CAMSAP2: variants seen among roughly 807,000 people sequenced by gnomAD.
The protein encoded by CAMSAP2 is calmodulin-regulated spectrin-associated protein 2.
A neutral mutation model predicts 146.1 loss-of-function variants in CAMSAP2; 26 were observed. The observed-to-expected ratio is 0.18, with a 90% CI of 0.13 to 0.25. The LOEUF is 0.25. Among genes scored for constraint, CAMSAP2 ranks in the 10% least tolerant of loss-of-function variants. CAMSAP2 has a pLI of 1.00. For missense variants in CAMSAP2, 1,381 were observed against 1,759.3 expected, an observed-to-expected ratio of 0.78 and a Z score of 3.85; for synonymous variants, 499 against 596.6, an observed-to-expected ratio of 0.84 and a Z score of 2.38.
chr1:200,783,171 C>T (rs1011833979), intron 2 of CAMSAP2, among the ~76,000 whole-genome samples: 7 of 152,276 alleles, frequency 4.6e-5, no homozygotes, highest in East Asian at 1.9e-4. Context: ...AATGTCTGAG[C>T]GTTCCAGTTG....
rs1475859395 is a variant in CAMSAP2, at chr1:200,858,046, C to T, written c.4424C>T (p.Pro1475Leu). Residue 1475 changes from proline to leucine, a missense_variant, in exon 17 of 17, where the codon CCC becomes CTC. By Grantham distance (98) the Pro-to-Leu change is moderately conservative (BLOSUM62 -3). Around this residue, in one of 4 missense-constraint regions of CAMSAP2, gnomAD observed 90 missense variants for 174.4 expected, o/e 0.52. Transcript: ENST00000358823. ...KRPVTPKKLLPTKA is the reference protein window; with the variant it reads ...KRPVTPKKLLLTKA ...CCAGTAACACCCAAAAAACTTTTAC[C>T]CACTAAGGCATAGAAGTTGGGAAAT... 1.3e-6 allele frequency: 2 copies of T among 1,586,848 alleles called. No homozygotes were observed. The highest frequency in any genetic ancestry group is 1.4e-5 in the African/African-American group (1 of 73,540).
chr1:200,806,927 G>C (rs1287038234), intron 2 of CAMSAP2, among the ~76,000 whole-genome samples: 2 of 152,132 alleles, frequency 1.3e-5, no homozygotes, highest in Non-Finnish European at 2.9e-5. Context: ...CCTTGTTCAA[G>C]TGTGAGAAAT....
intron 3 of CAMSAP2, among the ~76,000 whole-genome samples, chr1:200,808,220 C>G (rs1057495917): frequency 6.6e-6 from 1 of 152,030 alleles, no homozygotes; most frequent in East Asian, 1.9e-4. Flanking sequence ...TTTGCTTGAC[C>G]AAGTTGCACA....
chr1:200,831,859 G>T (rs1275579415), intron 4 of CAMSAP2, among the ~76,000 whole-genome samples: 2 of 151,918 alleles, frequency 1.3e-5, no homozygotes, highest in African/African-American at 4.8e-5. Context: ...TAAAGTAGAT[G>T]AATTTTATTA....
In CAMSAP2 at chr1:200,830,113, A is replaced by G. The variant is rs545406295; in HGVS notation, c.646-2087A>G. Among the ~76,000 whole-genome samples the G allele has an allele frequency of 7.2e-5, 11 of 152,358 alleles. No individual in the cohort carries two copies. The South Asian group carries it at 2.1e-3, about 29-fold the overall frequency. ...GTTTATAAAGCAAATAGCATGTTCA[A>G]GTACAAAAGACTCTTTCATGAACTG... is the stretch of plus-strand genomic sequence containing the variant. On this transcript the variant is annotated intron_variant, in intron 4 of 16. Transcript: ENST00000358823.
intron 2 of CAMSAP2, among the ~76,000 whole-genome samples, chr1:200,787,820 GCAATCAC>G (rs1665636556): frequency 6.6e-6 from 1 of 152,128 alleles, no homozygotes; most frequent in African/African-American, 2.4e-5. Context: ...CCCTCCTTCA[GCAATCAC>G]CACTCTGATC....
chr1:200,808,537 A>T (rs1666241809), intron 3 of CAMSAP2, among the ~76,000 whole-genome samples: 1 of 152,240 alleles, frequency 6.6e-6, no homozygotes, highest in Non-Finnish European at 1.5e-5. Flanking sequence ...CCATAATATC[A>T]GTATCATTGT....
intron 1 of CAMSAP2, among the ~76,000 whole-genome samples, chr1:200,755,219 T>A (rs1325163369): frequency 6.6e-6 from 1 of 152,242 alleles, no homozygotes; most frequent in Admixed American, 6.5e-5. Context: ...GGCTTATTGC[T>A]AACAGTGTTA....
intron 2 of CAMSAP2, among the ~76,000 whole-genome samples, chr1:200,793,885 C>A (rs1337132531): frequency 1.3e-5 from 2 of 152,070 alleles, no homozygotes; most frequent in African/African-American, 4.8e-5. Context: ...GAAGTGCATT[C>A]TTTATAAGGT....
chr1:200,822,224 T>TTAA (rs1666791512), intron 4 of CAMSAP2, among the ~76,000 whole-genome samples: 3 of 151,896 alleles, frequency 2.0e-5, no homozygotes, highest in Non-Finnish European at 4.4e-5. Context: ...ATCATGCCCC[T>TTAA]TTACCCCTTA....
chr1:200,807,436 A>G lies in CAMSAP2; in HGVS notation c.460A>G (p.Ile154Val). 3.7e-6 allele frequency: 6 copies of G among 1,612,754 alleles called. No homozygotes were observed. Among genetic ancestry groups the G allele is most frequent in the Non-Finnish European group, 5.1e-6 (6 of 1,179,206 alleles). Reference sequence around the variant, plus strand: ...GGCTTATACTGTAGAAATGGTCAGTATAGAAAAAGTAATTGCGTGTGCTCA... The same window carrying G: ...GGCTTATACTGTAGAAATGGTCAGTGTAGAAAAAGTAATTGCGTGTGCTCA... ...MMAYTVEMVSIEKVIACAQQY... is the reference protein window; with the variant it reads ...MMAYTVEMVSVEKVIACAQQY... Residue 154 changes from isoleucine (I) to valine (V), a missense_variant, in exon 3 of 17, where the codon ATA becomes GTA. Physicochemically the swap from Ile to Val is conservative, Grantham distance 29 (BLOSUM62 3). Transcript: ENST00000358823.
At position 200,828,511 on chromosome 1, in the gene CAMSAP2, A is replaced by C. The variant is rs531177729; in HGVS notation, c.646-3689A>C. 3.8e-5 allele frequency: 57 copies of C among 1,483,458 alleles called. No individual in the cohort carries two copies. In the African/African-American group the frequency reaches 7.1e-4, roughly 19 times the overall value. 91.9% of individuals were successfully genotyped at this position (1,483,458 alleles called of 1,614,324 possible). Reference sequence around the variant, plus strand: ...TACTATAATTTGTTAATTGAAGATAATTCTGATGAATTTTCCCTTTACCTT... The same window carrying C: ...TACTATAATTTGTTAATTGAAGATACTTCTGATGAATTTTCCCTTTACCTT... On this transcript the variant is annotated intron_variant, in intron 4 of 16. Transcript: ENST00000358823.
intron 1 of CAMSAP2, among the ~76,000 whole-genome samples, chr1:200,757,425 C>T (rs917092440): frequency 6.6e-6 from 1 of 152,156 alleles, no homozygotes; most frequent in African/African-American, 2.4e-5. Context: ...CTGCTTAAGT[C>T]ATGGTATACA....
Position 200,844,877 on chromosome 1 carries a change from C to T in CAMSAP2, c.1109+8C>T. 1 of 1,466,442 alleles carries T rather than the reference C, an allele frequency of 6.8e-7. No homozygotes were observed. Among genetic ancestry groups the T allele is most frequent in the Non-Finnish European group, 9.4e-7 (1 of 1,067,986 alleles). 90.8% of individuals were successfully genotyped at this position (1,466,442 alleles called of 1,614,324 possible). ...TTCTGACTTCCCTTCAAGGTAAACTCCACAATGACTTTATTTTCACCATTT... is the reference window on the plus strand; with the variant it reads ...TTCTGACTTCCCTTCAAGGTAAACTTCACAATGACTTTATTTTCACCATTT... On this transcript the variant is annotated splice_region_variant and intron_variant, in intron 8 of 16. Transcript: ENST00000358823.
At chr1:200,762,443 C>G (rs1005944088) in intron 2 of CAMSAP2, among the ~76,000 whole-genome samples, 3 of 152,114 alleles carry the variant, frequency 2.0e-5, no homozygotes, top group African/African-American at 7.2e-5. Context: ...TTTGCCCATA[C>G]CAGGGACAAG....
At chr1:200,852,070 C>T (rs1270139387) in intron 11 of CAMSAP2, among the ~76,000 whole-genome samples, 2 of 152,174 alleles carry the variant, frequency 1.3e-5, no homozygotes, top group Non-Finnish European at 2.9e-5. Context: ...AGCAGACTGT[C>T]AGTACCTCAA....
chr1:200,746,168 CA>C (rs907473243), intron 1 of CAMSAP2, among the ~76,000 whole-genome samples: 13 of 151,982 alleles, frequency 8.6e-5, no homozygotes, highest in African/African-American at 2.9e-4. Flanking sequence ...TATTTTACCA[CA>C]ATTTTTAAAA....
intron 2 of CAMSAP2, among the ~76,000 whole-genome samples, chr1:200,798,259 G>A (rs1281775533): frequency 1.4e-5 from 2 of 143,102 alleles, no homozygotes; most frequent in East Asian, 4.4e-4. Context: ...ACCTTGGGCA[G>A]TATGGCCATT....
At chr1:200,765,635 A>C (rs1349088511) in intron 2 of CAMSAP2, among the ~76,000 whole-genome samples, 1 of 152,192 alleles carries the variant, frequency 6.6e-6, no homozygotes, top group East Asian at 1.9e-4. Flanking sequence ...ACTAGACAGT[A>C]TGAAATAAGT....
Sources: gnomAD v4.1 joint callset for allele counts (sites outside exome capture counted in the v4.1 genomes callset) on GRCh38, gnomAD v4.1.1 for gene constraint, gnomAD v4.1.1 regional missense constraint, MANE v1.5 for transcripts, NCBI Gene and HGNC (gene_info 2026-07-23, HGNC 2026-07-21) for gene names.